Variants in PTPRN2 observed in about 807,000 individuals in gnomAD.
PTPRN2 encodes receptor-type tyrosine-protein phosphatase N2.
PTPRN2 carries 74 observed loss-of-function variants against 118.8 expected under a neutral mutation model. The observed-to-expected ratio is 0.62, with a 90% confidence interval of 0.52 to 0.76. The LOEUF is 0.76. Among genes scored for constraint, PTPRN2 ranks in the 30% least tolerant of loss-of-function variants. The pLI is 0.00. For missense variants in PTPRN2, 1,481 were observed against 1,394.4 expected, an observed-to-expected ratio of 1.06 and a Z score of -0.99; for synonymous variants, 641 against 608.0, an observed-to-expected ratio of 1.05 and a Z score of -0.80.
chr7:158,489,123 G>A (rs1460287421), intron 2 of PTPRN2, among the ~76,000 whole-genome samples: 1 of 152,238 alleles, frequency 6.6e-6, no homozygotes, highest in Non-Finnish European at 1.5e-5. Flanking sequence ...TTATCCGCCT[G>A]ATAAGAGAGG....
intron 1 of PTPRN2, among the ~76,000 whole-genome samples, chr7:158,545,830 C>A (rs1213537203): frequency 2.0e-5 from 3 of 152,176 alleles, no homozygotes; most frequent in African/African-American, 7.2e-5. Context: ...AAAACCCTGT[C>A]TCTACTCAAA....
intron 9 of PTPRN2, among the ~76,000 whole-genome samples, chr7:158,122,697 G>A (rs935324414): frequency 6.6e-6 from 1 of 152,160 alleles, no homozygotes; most frequent in Non-Finnish European, 1.5e-5. Flanking sequence ...GAGAAACCGA[G>A]GCTAGAGAAA....
chr7:158,139,455 C>A (rs184702136), intron 6 of PTPRN2, among the ~76,000 whole-genome samples: 20 of 152,182 alleles, frequency 1.3e-4, no homozygotes, highest in African/African-American at 4.3e-4. Context: ...ACCTCAGTCA[C>A]CCCTGGGGCA....
chr7:158,186,083 G>C (rs1376092658), intron 5 of PTPRN2, among the ~76,000 whole-genome samples: 5 of 152,164 alleles, frequency 3.3e-5, no homozygotes, highest in Admixed American at 2.0e-4. Context: ...AGAGGCGGGG[G>C]TGCAGACACT....
chr7:157,793,051 C>T (rs1363814289), intron 12 of PTPRN2, among the ~76,000 whole-genome samples: 2 of 151,856 alleles, frequency 1.3e-5, no homozygotes, highest in Non-Finnish European at 2.9e-5. Flanking sequence ...GGCTTTTTTT[C>T]AGAATTAATG....
chr7:158,532,880 T>C (rs4909238), intron 1 of PTPRN2: 256,116 of 511,660 alleles, frequency 0.5, 65,998 homozygotes, highest in East Asian at 0.68. Flanking sequence ...CAGACCATCT[T>C]GATGGCTCAG....
At chr7:158,211,141 ACTC>A (rs1315252670) in intron 3 of PTPRN2, among the ~76,000 whole-genome samples, 2 of 152,138 alleles carry the variant, frequency 1.3e-5, no homozygotes, top group Admixed American at 6.5e-5. Flanking sequence ...ATGAAACTAG[ACTC>A]CTATCTCTTC....
At chr7:158,218,963 T>A (rs1828151715) in intron 3 of PTPRN2, among the ~76,000 whole-genome samples, 1 of 152,056 alleles carries the variant, frequency 6.6e-6, no homozygotes, top group Non-Finnish European at 1.5e-5. Flanking sequence ...TAAAGAGACA[T>A]AAACACAATA....
At chr7:158,267,171 T>C (rs546462253) in intron 3 of PTPRN2, among the ~76,000 whole-genome samples, 1 of 152,354 alleles carries the variant, frequency 6.6e-6, no homozygotes, top group South Asian at 2.1e-4. Flanking sequence ...TTTTAAAAGC[T>C]GCTTAATCAG....
Position 158,525,396 on chromosome 7 carries a change from C to T in PTPRN2, c.113-35611G>A, listed in dbSNP as rs531720429. ...GGCCCCAGGGGCCATGGGCTACGCA[C>T]GGGCCAGGTTTCCAGCCTGCCAGCC... On this transcript the variant is annotated intron_variant, in intron 1 of 22. Coordinates refer to ENST00000389418, the MANE Select transcript of PTPRN2 (RefSeq NM_002847.5). The surrounding 1 kb of genome is among the most constrained non-coding windows in gnomAD (Gnocchi z 4.1). Among the ~76,000 whole-genome samples the T allele has an allele frequency of 6.6e-5, 10 of 152,314 alleles. No homozygotes were observed. The South Asian group carries it at 1.0e-3, about 16-fold the overall frequency.
intron 12 of PTPRN2, among the ~76,000 whole-genome samples, chr7:157,685,353 G>C (rs1416630172): frequency 1.3e-5 from 2 of 152,040 alleles, no homozygotes; most frequent in African/African-American, 4.8e-5. Context: ...CGCGCCGTGA[G>C]GCCCACACGC....
chr7:157,626,748 A>G (rs1191538392), intron 14 of PTPRN2, among the ~76,000 whole-genome samples: 1 of 152,224 alleles, frequency 6.6e-6, no homozygotes, highest in African/African-American at 2.4e-5. Context: ...CATAATCTGG[A>G]AATCTCTACA....
chr7:158,033,873 G>A (rs1807885958), intron 11 of PTPRN2, among the ~76,000 whole-genome samples: 1 of 149,280 alleles, frequency 6.7e-6, no homozygotes, highest in Admixed American at 6.7e-5. Flanking sequence ...GCAATGCTCT[G>A]TGTGGCTGCA....
At chr7:157,696,247 A>G (rs75420940) in intron 12 of PTPRN2, among the ~76,000 whole-genome samples, 32 of 106,648 alleles carry the variant, frequency 3.0e-4, no homozygotes, top group South Asian at 3.7e-4. Context: ...TGCATACTGG[A>G]TCTTAGTAGA....
At chr7:158,149,975 A>G (rs1466393351) in intron 6 of PTPRN2, among the ~76,000 whole-genome samples, 1 of 152,244 alleles carries the variant, frequency 6.6e-6, no homozygotes, top group East Asian at 1.9e-4. Flanking sequence ...AAGCAACACA[A>G]TTCTTTGCTG....
chr7:157,784,272 A>G lies in PTPRN2; in HGVS notation c.1789-101335T>C, dbSNP rs1222353248. On this transcript the variant is annotated intron_variant, in intron 12 of 22. Transcript: ENST00000389418. The surrounding 1 kb of genome is among the most constrained non-coding windows in gnomAD (Gnocchi z 4.6). ...GCACCAACTAGGTCTCAGGAGGCCA[A>G]GTGGGGGGCCTGCCCCCACCTCTGG... Among the ~76,000 whole-genome samples, 1 of 152,120 alleles carries G rather than the reference A, an allele frequency of 6.6e-6. No individual in the cohort carries two copies. The highest frequency in any genetic ancestry group is 1.5e-5 in the Non-Finnish European group (1 of 68,008).
intron 11 of PTPRN2, among the ~76,000 whole-genome samples, chr7:158,052,076 T>C (rs1225421610): frequency 6.6e-6 from 1 of 152,190 alleles, no homozygotes; most frequent in African/African-American, 2.4e-5. Flanking sequence ...CACCAGGCGA[T>C]GGAAATTGCG....
intron 4 of PTPRN2, among the ~76,000 whole-genome samples, chr7:158,202,690 TG>T (rs1220274520): frequency 6.6e-6 from 1 of 152,196 alleles, no homozygotes; most frequent in Non-Finnish European, 1.5e-5. Flanking sequence ...TAATTGCTCT[TG>T]CCTGGGTTCA....
intron 11 of PTPRN2, among the ~76,000 whole-genome samples, chr7:157,933,694 C>T (rs1227406869): frequency 2.0e-5 from 3 of 149,052 alleles, no homozygotes; most frequent in African/African-American, 5.0e-5. Flanking sequence ...GGGTGAGTCA[C>T]TCTGATTGAC....
Sources: allele counts gnomAD v4.1 joint callset (sites outside exome capture counted in the v4.1 genomes callset), GRCh38; gene constraint gnomAD v4.1.1; non-coding constraint Gnocchi (gnomAD v3.1); transcripts MANE v1.5; gene names NCBI Gene and HGNC (gene_info 2026-07-23, HGNC 2026-07-21).